ZNF804B: variants seen among roughly 807,000 people sequenced by gnomAD.
ZNF804B encodes zinc finger 804B.
ZNF804B carries 80 observed loss-of-function variants against 101.4 expected under a neutral mutation model. That is an observed-to-expected ratio of 0.79 (90% CI 0.66 to 0.95). The LOEUF (loss-of-function observed/expected upper bound fraction) is 0.95. Among genes scored for constraint, ZNF804B ranks in the 40% least tolerant of loss-of-function variants. The pLI, the probability that ZNF804B is intolerant of heterozygous loss-of-function variation, is 0.00. For missense variants in ZNF804B, 1,673 were observed against 1,561.9 expected (o/e 1.07, Z -1.20); for synonymous variants, 622 against 558.8 (o/e 1.11, Z -1.59).
intron 1 of ZNF804B, among the ~76,000 whole-genome samples, chr7:89,049,543 A>G (rs973105871): frequency 6.6e-6 from 1 of 152,080 alleles, no homozygotes; most frequent in African/African-American, 2.4e-5. Flanking sequence ...ATTGTTAAAC[A>G]TTTATTAGCA....
At chr7:89,272,602 A>C (rs1047772151) in intron 2 of ZNF804B, among the ~76,000 whole-genome samples, 1 of 152,118 alleles carries the variant, frequency 6.6e-6, no homozygotes, top group Admixed American at 6.6e-5. Flanking sequence ...TACATTTCAC[A>C]AAATAACTAA....
At chr7:89,047,802 A>G (rs1211581254) in intron 1 of ZNF804B, among the ~76,000 whole-genome samples, 1 of 152,124 alleles carries the variant, frequency 6.6e-6, no homozygotes, top group Non-Finnish European at 1.5e-5. Context: ...CATTCTCTCT[A>G]GACTGTCTAG....
Position 89,226,360 on chromosome 7 carries a change from AGAGAGTGG to A in ZNF804B, c.249+8066_249+8073del, listed in dbSNP as rs536439695. ...GAAACAATCTAAACATACAATGAAG[AGAGAGTGG>A]CTAAATTATGGTGGACTTAAACTGG... On this transcript the variant is annotated intron_variant, in intron 2 of 3. Coordinates refer to ENST00000333190, the MANE Select transcript of ZNF804B (RefSeq NM_181646.5). 3.6e-3 allele frequency among the ~76,000 whole-genome samples: 545 copies of A among 152,208 alleles called. 6 individuals carry two copies. Among genetic ancestry groups the A allele is most frequent in the African/African-American group, 0.012 (508 of 41,570 alleles).
chr7:89,289,451 G>A (rs1790254401), intron 2 of ZNF804B, among the ~76,000 whole-genome samples: 1 of 152,186 alleles, frequency 6.6e-6, no homozygotes, highest in East Asian at 1.9e-4. Context: ...AAGAGGTACT[G>A]AAGAGGATAG....
chr7:88,851,876 C>T (rs1047151887), intron 1 of ZNF804B, among the ~76,000 whole-genome samples: 1 of 152,014 alleles, frequency 6.6e-6, no homozygotes, highest in Admixed American at 6.6e-5. Flanking sequence ...TGGATACATA[C>T]TTGGTTCTTA....
chr7:89,255,248 A>G (rs1199601772), intron 2 of ZNF804B, among the ~76,000 whole-genome samples: 1 of 152,184 alleles, frequency 6.6e-6, no homozygotes, highest in Non-Finnish European at 1.5e-5. Flanking sequence ...CGCTATTATG[A>G]GAACAGCACG....
chr7:89,171,639 T>G (rs1448128109), intron 1 of ZNF804B, among the ~76,000 whole-genome samples: 2 of 152,090 alleles, frequency 1.3e-5, no homozygotes, highest in East Asian at 3.9e-4. Context: ...TTCACCATGT[T>G]GGCCAGGCTG....
At position 89,023,845 on chromosome 7, in the gene ZNF804B, A is replaced by G. The variant is rs189167684; in HGVS notation, c.109-194310A>G. Among the ~76,000 whole-genome samples the G allele has an allele frequency of 2.4e-3, 366 of 152,284 alleles. 1 individual carries two copies. The highest frequency in any genetic ancestry group is 8.6e-3 in the African/African-American group (359 of 41,574). On this transcript the variant is annotated intron_variant, in intron 1 of 3. Coordinates refer to ENST00000333190, the MANE Select transcript of ZNF804B (RefSeq NM_181646.5). ...CCTAGGAGTTTTTGACTGAAGCACA[A>G]CATCACTCTTGCCTCATTTTTCATG...
Position 88,979,904 on chromosome 7 carries a change from C to CT in ZNF804B, c.108+219830dup, listed in dbSNP as rs555556719. ...TTTTGTAGGTGTGCTTCATTCTTTTCTTTTTTTTTTCTTCTTTTTCCTCTT... is the reference window on the plus strand; with the variant it reads ...TTTTGTAGGTGTGCTTCATTCTTTTCTTTTTTTTTTTCTTCTTTTTCCTCTT... On this transcript the variant is annotated intron_variant, in intron 1 of 3. Coordinates refer to ENST00000333190, the MANE Select transcript of ZNF804B (RefSeq NM_181646.5). Among the ~76,000 whole-genome samples the CT allele has an allele frequency of 5.1e-3, 750 of 147,988 alleles. 1 individual carries two copies. Among genetic ancestry groups the CT allele is most frequent in the Middle Eastern group, 0.017 (5 of 286 alleles).
At chr7:88,773,486 G>A (rs1308580038) in intron 1 of ZNF804B, among the ~76,000 whole-genome samples, 1 of 152,122 alleles carries the variant, frequency 6.6e-6, no homozygotes. Flanking sequence ...ACACTTGCTG[G>A]CCATGTAGCA....
At chr7:89,008,437 A>C (rs1233553132) in intron 1 of ZNF804B, among the ~76,000 whole-genome samples, 2 of 152,208 alleles carry the variant, frequency 1.3e-5, no homozygotes, top group Non-Finnish European at 2.9e-5. Context: ...TGCCCATGCT[A>C]CTAAGTCTCA....
chr7:88,760,840 T>G (rs1789883678), intron 1 of ZNF804B, among the ~76,000 whole-genome samples: 1 of 148,964 alleles, frequency 6.7e-6, no homozygotes, highest in South Asian at 2.1e-4. Context: ...AGGCTCCAAA[T>G]ATGTTTCAAG....
intron 1 of ZNF804B, among the ~76,000 whole-genome samples, chr7:89,103,051 T>G (rs1790082150): frequency 3.5e-5 from 1 of 28,794 alleles, no homozygotes; most frequent in Non-Finnish European, 8.5e-5. Context: ...TGTGTCTGTT[T>G]TTTTTTTTTT....
intron 1 of ZNF804B, among the ~76,000 whole-genome samples, chr7:89,093,145 C>T (rs1271867863): frequency 2.0e-5 from 3 of 152,176 alleles, no homozygotes. Flanking sequence ...CCCACTCTAA[C>T]TCTGAGAAAA....
chr7:89,144,539 C>T (rs147485196), intron 1 of ZNF804B, among the ~76,000 whole-genome samples: 262 of 151,148 alleles, frequency 1.7e-3, no homozygotes, highest in African/African-American at 5.4e-3. Flanking sequence ...TTATCAGAGG[C>T]GGGGAAGGGT....
intron 1 of ZNF804B, among the ~76,000 whole-genome samples, chr7:88,833,334 A>T (rs1000082632): frequency 6.6e-6 from 1 of 151,964 alleles, no homozygotes; most frequent in Non-Finnish European, 1.5e-5. Context: ...GAAATTACTT[A>T]ACTTTTCTGA....
intron 1 of ZNF804B, among the ~76,000 whole-genome samples, chr7:88,902,306 G>T (rs1465458619): frequency 6.6e-6 from 1 of 151,864 alleles, no homozygotes; most frequent in African/African-American, 2.4e-5. Context: ...TGTTTTTCCA[G>T]CAGCGCATCT....
chr7:89,322,912 A>G (rs1790841446), intron 2 of ZNF804B, among the ~76,000 whole-genome samples: 1 of 152,222 alleles, frequency 6.6e-6, no homozygotes, highest in Non-Finnish European at 1.5e-5. Flanking sequence ...AACATTCTCT[A>G]ACTCATTTTA....
At chr7:88,913,571 T>G (rs1230147202) in intron 1 of ZNF804B, among the ~76,000 whole-genome samples, 1 of 152,106 alleles carries the variant, frequency 6.6e-6, no homozygotes, top group Admixed American at 6.6e-5. Flanking sequence ...ATTTTTTTGT[T>G]TTTTAGTAGA....
Sources: gnomAD v4.1 joint callset for allele counts (sites outside exome capture counted in the v4.1 genomes callset) on GRCh38, gnomAD v4.1.1 for gene constraint, MANE v1.5 for transcripts, NCBI Gene and HGNC (gene_info 2026-07-23, HGNC 2026-07-21) for gene names.